SYT14: variants seen among roughly 807,000 people sequenced by gnomAD.
SYT14 encodes synaptotagmin 14.
In SYT14, 32 loss-of-function variants were observed where a neutral mutation model predicts 74.2. The observed-to-expected ratio is 0.43, with a 90% confidence interval of 0.33 to 0.58. The LOEUF (loss-of-function observed/expected upper bound fraction) is 0.58. Among genes scored for constraint, SYT14 ranks in the 20% least tolerant of loss-of-function variants. SYT14 has a pLI of 0.05. For missense variants in SYT14, 791 were observed against 981.8 expected (o/e 0.81, Z 2.60); for synonymous variants, 298 against 337.7 (o/e 0.88, Z 1.29).
Position 210,155,875 on chromosome 1 carries a change from G to C in SYT14, c.2189G>C (p.Ser730Thr), listed in dbSNP as rs2083259107. 11 of 1,614,074 alleles carry C rather than the reference G, an allele frequency of 6.8e-6. No individual in the cohort carries two copies. The East Asian group carries it at 2.5e-4, about 36-fold the overall frequency. Residue 730 changes from serine to threonine, a missense_variant, in exon 8 of 10, where the codon AGC (serine) becomes ACC (threonine). Physicochemically the swap from Ser to Thr is moderately conservative, Grantham distance 58 (BLOSUM62 1). Coordinates refer to ENST00000637265, the Ensembl canonical transcript of SYT14. ...CTATCAGCAGAAGTGATAAAAGGCA[G>C]CCACTTCAAAAATTTGGCAGCAAAC...
chr1:210,063,725 G>A (rs1398026396), intron 5 of SYT14, among the ~76,000 whole-genome samples: 2 of 151,632 alleles, frequency 1.3e-5, no homozygotes, highest in Non-Finnish European at 2.9e-5. Flanking sequence ...GTCTTCATTT[G>A]GCCACAGCTG....
chr1:210,014,444 G>A (rs147908901), intron 3 of SYT14, among the ~76,000 whole-genome samples: 344 of 148,528 alleles, frequency 2.3e-3, no homozygotes, highest in African/African-American at 7.9e-3. Context: ...TACTACAAGA[G>A]TTTTAAAAAT....
intron 5 of SYT14, among the ~76,000 whole-genome samples, chr1:210,063,448 C>T (rs2081241921): frequency 6.6e-6 from 1 of 151,784 alleles, no homozygotes; most frequent in African/African-American, 2.4e-5. Flanking sequence ...AATGCTGTAA[C>T]ATCATATTCC....
At chr1:209,999,305 A>G (rs1189522742) in intron 2 of SYT14, among the ~76,000 whole-genome samples, 1 of 152,150 alleles carries the variant, frequency 6.6e-6, no homozygotes, top group African/African-American at 2.4e-5. Flanking sequence ...ATGGTTGGAG[A>G]GAATGTAAAT....
chr1:210,031,745 G>A (rs1004487698), intron 5 of SYT14, among the ~76,000 whole-genome samples: 4 of 152,004 alleles, frequency 2.6e-5, no homozygotes, highest in African/African-American at 9.7e-5. Flanking sequence ...GGCCAGTTGT[G>A]GTGGAGATTG....
intron 5 of SYT14, among the ~76,000 whole-genome samples, chr1:210,062,573 C>A (rs2081225835): frequency 6.6e-6 from 1 of 151,776 alleles, no homozygotes; most frequent in Non-Finnish European, 1.5e-5. Flanking sequence ...TACCACTTTG[C>A]CATCAACACG....
At chr1:210,109,429 T>A (rs2082218281) in intron 7 of SYT14, among the ~76,000 whole-genome samples, 1 of 151,812 alleles carries the variant, frequency 6.6e-6, no homozygotes. Flanking sequence ...ACACAAAAAA[T>A]TAGCTGGGCA....
chr1:210,046,109 G>A (rs549607807), intron 5 of SYT14, among the ~76,000 whole-genome samples: 3 of 152,178 alleles, frequency 2.0e-5, no homozygotes, highest in East Asian at 1.9e-4. Flanking sequence ...GGTGGCTCAC[G>A]CCTATAATCC....
chr1:209,969,281 G>A (rs1257958163), intron 2 of SYT14, among the ~76,000 whole-genome samples: 5 of 151,932 alleles, frequency 3.3e-5, no homozygotes, highest in South Asian at 2.1e-4. Flanking sequence ...TTGCTGCATC[G>A]AATGGTAGCT....
At chr1:210,016,552 T>G (rs2080187912) in exon 4 of SYT14, 1 of 1,231,934 alleles carries the variant, frequency 8.1e-7, no homozygotes. Context: ...GAATTTCCAA[T>G]AATGGTAAGA....
chr1:209,973,961 G>A (rs1369904805), intron 2 of SYT14, among the ~76,000 whole-genome samples: 1 of 152,176 alleles, frequency 6.6e-6, no homozygotes, highest in Non-Finnish European at 1.5e-5. Context: ...CTGATTGCCA[G>A]TGATGATGAG....
intron 2 of SYT14, among the ~76,000 whole-genome samples, chr1:210,008,990 A>T (rs751936090): frequency 1.3e-5 from 2 of 152,210 alleles, no homozygotes; most frequent in Non-Finnish European, 2.9e-5. Context: ...TGGGCCACAC[A>T]TAAAATACCC....
intron 5 of SYT14, among the ~76,000 whole-genome samples, chr1:210,042,283 T>G (rs1046575787): frequency 3.9e-5 from 6 of 152,214 alleles, no homozygotes; most frequent in African/African-American, 1.2e-4. Flanking sequence ...TAACCCTGTC[T>G]TGAATTACTT....
At chr1:210,045,889 AT>A (rs1199801999) in intron 5 of SYT14, among the ~76,000 whole-genome samples, 2 of 152,172 alleles carry the variant, frequency 1.3e-5, no homozygotes, top group Admixed American at 1.3e-4. Flanking sequence ...ATTCTCAGAA[AT>A]TTAACAATTT....
chr1:209,949,812 A>G (rs1018552126), intron 1 of SYT14, among the ~76,000 whole-genome samples: 1 of 152,198 alleles, frequency 6.6e-6, no homozygotes, highest in African/African-American at 2.4e-5. Flanking sequence ...ATACCAAGAA[A>G]GGTCATGCAT....
intron 5 of SYT14, among the ~76,000 whole-genome samples, chr1:210,038,351 T>C (rs2080713976): frequency 6.6e-6 from 1 of 152,104 alleles, no homozygotes. Flanking sequence ...TCTGGTTGTG[T>C]CATGTTTTTT....
At chr1:210,090,378 A>G (rs891280052) in intron 5 of SYT14, among the ~76,000 whole-genome samples, 2 of 152,006 alleles carry the variant, frequency 1.3e-5, no homozygotes, top group Non-Finnish European at 2.9e-5. Flanking sequence ...TGAAAAAAAA[A>G]AGAATTCTGC....
At chr1:210,071,682 A>G (rs2081397643) in intron 5 of SYT14, among the ~76,000 whole-genome samples, 1 of 152,064 alleles carries the variant, frequency 6.6e-6, no homozygotes, top group South Asian at 2.1e-4. Context: ...GTAGTAGAAG[A>G]TATTAAATAG....
chr1:210,061,176 A>C (rs1257600212), intron 5 of SYT14, among the ~76,000 whole-genome samples: 1 of 151,812 alleles, frequency 6.6e-6, no homozygotes, highest in Non-Finnish European at 1.5e-5. Flanking sequence ...ACACCTTGAC[A>C]TTAATGGCCT....
Sources: gnomAD v4.1 joint callset for allele counts (sites outside exome capture counted in the v4.1 genomes callset) on GRCh38, gnomAD v4.1.1 for gene constraint, MANE v1.5 for transcripts, NCBI Gene and HGNC (gene_info 2026-07-23, HGNC 2026-07-21) for gene names.